Variants in BIN3 observed in about 807,000 individuals in gnomAD.
BIN3 encodes bridging integrator 3.
BIN3 carries 41 observed loss-of-function variants against 38.2 expected under a neutral mutation model. The observed-to-expected ratio is 1.07, with a 90% CI of 0.84 to 1.39. The LOEUF is 1.39. Among genes scored for constraint, BIN3 ranks in the 40% most tolerant of loss-of-function variants. The probability of loss-of-function intolerance (pLI) is 0.00; values close to 1 mark genes in which losing one functional copy is unlikely to be tolerated. For missense variants in BIN3, 361 were observed against 324.3 expected (o/e 1.11, Z -0.87); for synonymous variants, 145 against 122.6 (o/e 1.18, Z -1.21).
Position 22,620,875 on chromosome 8 carries a change from A to G in BIN3, c.*547T>C, listed in dbSNP as rs1585172060. ...GTCCTCAGTGACCTCGGGAACCCCA[A>G]CCACTTAGGTCCCAAAGCCACAAGG... On this transcript the variant is annotated 3_prime_UTR_variant, in exon 9 of 9. Transcript: ENST00000276416. 6.6e-6 allele frequency: 1 copy of G among 152,450 alleles called. No homozygotes were observed. Among genetic ancestry groups the G allele is most frequent in the Admixed American group, 6.5e-5 (1 of 15,278 alleles). The allele number at this position is 152,450 out of a possible 1,614,324, so 9.4% of individuals were successfully genotyped here.
intron 1 of BIN3, among the ~76,000 whole-genome samples, chr8:22,650,583 G>A (rs1377949038): frequency 6.6e-6 from 1 of 152,088 alleles, no homozygotes; most frequent in South Asian, 2.1e-4. Flanking sequence ...GTTATAGTGT[G>A]CACAGTCTAA....
chr8:22,632,180 AGT>A (rs1300318806), intron 4 of BIN3, among the ~76,000 whole-genome samples: 6 of 152,234 alleles, frequency 3.9e-5, no homozygotes, highest in Non-Finnish European at 8.8e-5. Context: ...CTGTGGAAAA[AGT>A]GTCTTAGGAC....
At chr8:22,637,070 A>G in intron 2 of BIN3, 108 bp from the exon 3 acceptor site, 3 of 956,112 alleles carry the variant, frequency 3.1e-6, no homozygotes, top group Non-Finnish European at 5.0e-6. Context: ...CGCAGAAAAC[A>G]ACATGGTCCA....
intron 1 of BIN3, among the ~76,000 whole-genome samples, chr8:22,647,467 C>T (rs1482473355): frequency 6.6e-6 from 1 of 152,196 alleles, no homozygotes; most frequent in African/African-American, 2.4e-5. Context: ...GAAGAAGCAA[C>T]CAGCACCCCT....
At chr8:22,632,122 C>T (rs980627441) in intron 4 of BIN3, among the ~76,000 whole-genome samples, 1 of 152,204 alleles carries the variant, frequency 6.6e-6, no homozygotes, top group Non-Finnish European at 1.5e-5. Flanking sequence ...AAATTGTTGT[C>T]AATCAAACCA....
At chr8:22,631,991 T>C (rs1295588245) in intron 4 of BIN3, among the ~76,000 whole-genome samples, 4 of 152,230 alleles carry the variant, frequency 2.6e-5, no homozygotes, top group African/African-American at 9.7e-5. Flanking sequence ...TCAGAGTGCA[T>C]CTGGGGCAGG....
intron 7 of BIN3, 72 bp downstream of exon 7, chr8:22,624,150 G>A: frequency 6.3e-7 from 1 of 1,588,854 alleles, no homozygotes; most frequent in Non-Finnish European, 8.6e-7. Context: ...CCCCAGGTGA[G>A]GGGAGGGACT....
chr8:22,628,961 TG>T (rs974212162), intron 6 of BIN3, among the ~76,000 whole-genome samples: 1 of 152,156 alleles, frequency 6.6e-6, no homozygotes, highest in African/African-American at 2.4e-5. Flanking sequence ...CTGGGGAGGC[TG>T]GGGGGCCAGG....
In BIN3 at chr8:22,620,715, C is replaced by T. The variant is rs1038548028; in HGVS notation, c.*707G>A. 11 of 152,318 alleles carry T rather than the reference C, an allele frequency of 7.2e-5. No individual in the cohort carries two copies. The highest frequency in any genetic ancestry group is 2.1e-4 in the South Asian group (1 of 4,832). 9.4% of individuals were successfully genotyped at this position (152,318 alleles called of 1,614,324 possible). A position where few individuals can be genotyped will look rare whatever the true frequency, so the allele number is the denominator to read the frequency against. On this transcript the variant is annotated 3_prime_UTR_variant, in exon 9 of 9. Transcript: ENST00000276416. ...AAGTTACAGCACAATACTATGTGGA[C>T]GTTTCATTGAAAATTTTACTTGAAA...
At position 22,624,263 on chromosome 8, in the gene BIN3, C is replaced by G; in HGVS notation, c.439G>C (p.Glu147Gln). The stretch of plus-strand genomic sequence containing the variant: ...AGCACTGGCCCCGTCTTCTCCTTTT[C>G]CTCATACTTCTCCACCTTGGCCTGC... ...RLQAKVEKYE[E>Q]KEKTGPVLAK... The change falls in exon 7 of 9, where the codon GAA (glutamate) becomes CAA (glutamine). Residue 147 changes from glutamate to glutamine, a missense_variant. Glu to Gln is a conservative substitution (Grantham distance 29). Transcript: ENST00000276416. 6.2e-7 allele frequency: 1 copy of G among 1,614,012 alleles called. No homozygotes were observed. Among genetic ancestry groups the G allele is most frequent in the Non-Finnish European group, 8.5e-7 (1 of 1,179,894 alleles).
chr8:22,621,163 C>CA lies in BIN3; in HGVS notation c.*258dup. On this transcript the variant is annotated 3_prime_UTR_variant, in exon 9 of 9. Transcript: ENST00000276416. ...CTTGCTCAGGCCGTGGGCCAGGATGCATGCTGGACGGTTCTCCAAATAAAA... is the reference window on the plus strand; with the variant it reads ...CTTGCTCAGGCCGTGGGCCAGGATGCAATGCTGGACGGTTCTCCAAATAAAA... The CA allele has an allele frequency of 2.2e-6, 1 of 464,154 alleles. No homozygotes were observed. The highest frequency in any genetic ancestry group is 3.9e-5 in the East Asian group (1 of 25,512). 28.8% of individuals were successfully genotyped at this position (464,154 alleles called of 1,614,324 possible).
intron 2 of BIN3, among the ~76,000 whole-genome samples, chr8:22,641,571 C>T (rs1312369449): frequency 3.3e-5 from 5 of 152,158 alleles, no homozygotes; most frequent in Non-Finnish European, 7.4e-5. Flanking sequence ...GAAGCCCCTC[C>T]TTCAAGGGAT....
intron 1 of BIN3, among the ~76,000 whole-genome samples, chr8:22,664,480 C>G (rs181299718): frequency 1.3e-3 from 196 of 152,372 alleles, no homozygotes; most frequent in Middle Eastern, 3.4e-3. Context: ...GTGGAAGAAG[C>G]TGAGCCAGTT....
In BIN3 at chr8:22,621,628, G is replaced by A. The variant is rs934711014; in HGVS notation, c.616-60C>T. On this transcript the variant is annotated intron_variant, in intron 8 of 8. Transcript: ENST00000276416. The stretch of plus-strand genomic sequence containing the variant: ...TCCAGGGAACCGTGTGCTTCAGGGG[G>A]CCAGAGGCTCACACTTCTCTGCTAC... The A allele has an allele frequency of 6.5e-6, 10 of 1,536,978 alleles. No homozygotes were observed. In the African/African-American group the frequency reaches 1.4e-4, roughly 21 times the overall value.
At chr8:22,634,224 A>G (rs1253101174) in intron 4 of BIN3, among the ~76,000 whole-genome samples, 1 of 152,230 alleles carries the variant, frequency 6.6e-6, no homozygotes, top group African/African-American at 2.4e-5. Flanking sequence ...AATAACTACA[A>G]AACAAACAAC....
intron 6 of BIN3, among the ~76,000 whole-genome samples, chr8:22,628,515 GTGCGCCCCCTC>G (rs988953522): frequency 6.6e-6 from 1 of 152,194 alleles, no homozygotes; most frequent in Non-Finnish European, 1.5e-5. Flanking sequence ...CTGCGGAGAT[GTGCGCCCCCTC>G]TGCCACGCCC....
intron 1 of BIN3, among the ~76,000 whole-genome samples, chr8:22,655,020 G>A (rs972326719): frequency 6.6e-6 from 1 of 152,200 alleles, no homozygotes; most frequent in African/African-American, 2.4e-5. Context: ...TAGTGGGTAT[G>A]AGGTAGTATT....
At chr8:22,664,184 G>A (rs1222095289) in intron 1 of BIN3, among the ~76,000 whole-genome samples, 1 of 152,156 alleles carries the variant, frequency 6.6e-6, no homozygotes, top group Admixed American at 6.5e-5. Flanking sequence ...AGCTTACTCC[G>A]ACAGATTTCC....
chr8:22,641,111 G>A (rs1563963525), intron 2 of BIN3, among the ~76,000 whole-genome samples: 1 of 152,222 alleles, frequency 6.6e-6, no homozygotes, highest in African/African-American at 2.4e-5. Context: ...TCATTCCGAG[G>A]AAAAGAGCCA....
Sources: allele counts gnomAD v4.1 joint callset (sites outside exome capture counted in the v4.1 genomes callset), GRCh38; gene constraint gnomAD v4.1.1; transcripts MANE v1.5; gene names NCBI Gene and HGNC (gene_info 2026-07-23, HGNC 2026-07-21).